TUBB4B: variants seen among roughly 807,000 people sequenced by gnomAD.
TUBB4B encodes the protein tubulin beta 4B class IVb.
A neutral mutation model predicts 34.3 loss-of-function variants in TUBB4B; 7 were observed. The ratio of observed to expected loss-of-function variants is 0.20; its 90% CI spans 0.12 to 0.38. TUBB4B has a LOEUF of 0.38. Ranked by LOEUF, TUBB4B falls within the 10% of genes least tolerant of loss-of-function variation. The probability of loss-of-function intolerance (pLI) is 1.00; values close to 1 mark genes in which losing one functional copy is unlikely to be tolerated. For synonymous variants in TUBB4B, 390 were observed against 250.2 expected, an observed-to-expected ratio of 1.56 and a Z score of -5.27; for missense variants, 178 against 610.9, an observed-to-expected ratio of 0.29 and a Z score of 7.47.
chr9:137,242,008 C>G lies in TUBB4B; in HGVS notation c.264C>G (p.Asp88Glu), dbSNP rs1266963458. ...SGPFGQIFRP[D>E]NFVFGQSGAG... ...CCTTCGGGCAGATCTTCCGGCCGGA[C>G]AACTTCGTTTTCGGTGAGCCGTGGC... The change falls in exon 3 of 4, where the codon GAC becomes GAG. Residue 88 changes from aspartate to glutamate, a missense_variant. Physicochemically the swap from Asp to Glu is conservative, Grantham distance 45. Coordinates refer to ENST00000340384, the MANE Select transcript of TUBB4B (RefSeq NM_006088.6). The G allele has an allele frequency of 6.2e-7, 1 of 1,610,664 alleles. No individual in the cohort carries two copies. Among genetic ancestry groups the G allele is most frequent in the South Asian group, 1.1e-5 (1 of 90,996 alleles).
At chr9:137,241,447 G>A in intron 1 of TUBB4B, 30 bp downstream of exon 1, 1 of 1,541,468 alleles carries the variant, frequency 6.5e-7, no homozygotes, top group Non-Finnish European at 8.7e-7. Context: ...GGGCCAGGCG[G>A]GCCTGCCGGG....
intron 1 of TUBB4B, 127 bp downstream of exon 1, chr9:137,241,544 G>T: frequency 2.1e-6 from 2 of 937,576 alleles, no homozygotes; most frequent in Non-Finnish European, 1.3e-6. Flanking sequence ...CCTCCGCGGG[G>T]AATTGGCCGA....
chr9:137,242,388 G>A (rs573670988), intron 3 of TUBB4B, 108 bp from the exon 4 acceptor site: 27 of 1,348,152 alleles, frequency 2.0e-5, no homozygotes, highest in Admixed American at 6.9e-5. Context: ...TACCTCCAGG[G>A]TGAATTCTGT....
intron 3 of TUBB4B, 153 bp from the exon 4 acceptor site, chr9:137,242,343 C>A: frequency 1.1e-6 from 1 of 922,588 alleles, no homozygotes; most frequent in Non-Finnish European, 1.6e-6. Context: ...GCAGGGCAGG[C>A]TGCCGTCTTT....
chr9:137,241,309 C>T lies in TUBB4B; in HGVS notation c.-52C>T, dbSNP rs542053872. On this transcript the variant is annotated 5_prime_UTR_variant, in exon 1 of 4. Transcript: ENST00000340384. ...TGTAGCACTCTGCGCGCCCGCTCTTCTGCTGCTGTTTGTCTACTTCCTCCT... is the reference window on the plus strand; with the variant it reads ...TGTAGCACTCTGCGCGCCCGCTCTTTTGCTGCTGTTTGTCTACTTCCTCCT... 1.1e-4 allele frequency: 168 copies of T among 1,575,162 alleles called. No individual in the cohort carries two copies. In the East Asian group the frequency reaches 1.2e-3, roughly 11 times the overall value.
At chr9:137,241,511 C>G (rs921152289) in intron 1 of TUBB4B, 94 bp downstream of exon 1, 10 of 1,104,400 alleles carry the variant, frequency 9.1e-6, no homozygotes, top group South Asian at 8.6e-5. Context: ...GGGCGGCGCC[C>G]CCGCATTGCG....
intron 3 of TUBB4B, 117 bp downstream of exon 3, chr9:137,242,138 T>A: frequency 1.9e-6 from 2 of 1,025,820 alleles, no homozygotes; most frequent in Non-Finnish European, 2.8e-6. Flanking sequence ...TCTGAGCCAC[T>A]CAATCCCCTC....
chr9:137,241,898 C>T lies in TUBB4B; in HGVS notation c.167-13C>T, dbSNP rs760081944. 9 of 1,610,998 alleles carry T rather than the reference C, an allele frequency of 5.6e-6. No individual in the cohort carries two copies. In the South Asian group the frequency reaches 6.6e-5, roughly 12 times the overall value. On this transcript the variant is annotated splice_polypyrimidine_tract_variant and intron_variant, in intron 2 of 3. Coordinates refer to ENST00000340384, the MANE Select transcript of TUBB4B (RefSeq NM_006088.6). Reference sequence around the variant, plus strand: ...CGGCCCCTGCCTTGGCTGACGCCCTCCCGTCCCCGCAGGCGGCAAGTACGT... The same window carrying T: ...CGGCCCCTGCCTTGGCTGACGCCCTTCCGTCCCCGCAGGCGGCAAGTACGT...
chr9:137,241,895 C>T lies in TUBB4B; in HGVS notation c.167-16C>T, dbSNP rs200500268. The T allele has an allele frequency of 2.4e-5, 38 of 1,610,972 alleles. No homozygotes were observed. The highest frequency in any genetic ancestry group is 1.6e-4 in the East Asian group (7 of 44,808). On this transcript the variant is annotated splice_polypyrimidine_tract_variant and intron_variant, in intron 2 of 3. Coordinates refer to ENST00000340384, the MANE Select transcript of TUBB4B (RefSeq NM_006088.6). ...CCGCGGCCCCTGCCTTGGCTGACGCCCTCCCGTCCCCGCAGGCGGCAAGTA... is the reference window on the plus strand; with the variant it reads ...CCGCGGCCCCTGCCTTGGCTGACGCTCTCCCGTCCCCGCAGGCGGCAAGTA...
At chr9:137,242,202 C>G (rs1161636391) in intron 3 of TUBB4B, 181 bp downstream of exon 3, 5 of 689,686 alleles carry the variant, frequency 7.2e-6, no homozygotes, top group East Asian at 5.4e-5. Flanking sequence ...CGAGGAGCCG[C>G]CACACACGTA....
At chr9:137,242,246 C>G (rs977806082) in intron 3 of TUBB4B, 1 of 656,738 alleles carries the variant, frequency 1.5e-6, no homozygotes, top group East Asian at 2.7e-5. Context: ...GGGGCAGTGG[C>G]TGTTCCTCTG....
In TUBB4B at chr9:137,241,756, C is replaced by T. The variant is rs150433184; in HGVS notation, c.93C>T (p.Asp31=). The T allele has an allele frequency of 3.0e-5, 48 of 1,612,086 alleles. No homozygotes were observed. Among genetic ancestry groups the T allele is most frequent in the Non-Finnish European group, 3.9e-5 (46 of 1,179,536 alleles). The change falls in exon 2 of 4, where the codon GAC becomes GAT. Residue 31 remains aspartate, a synonymous_variant. Coordinates refer to ENST00000340384, the MANE Select transcript of TUBB4B (RefSeq NM_006088.6). ...WEVISDEHGI[D]PTGTYHGDSD... The stretch of plus-strand genomic sequence containing the variant: ...TGATCAGCGATGAGCACGGCATCGA[C>T]CCCACGGGCACCTACCACGGGGACA...
At position 137,241,340 on chromosome 9, in the gene TUBB4B, C is replaced by CCCG. The variant is rs370341505; in HGVS notation, c.-6_-4dup. On this transcript the variant is annotated 5_prime_UTR_variant, in exon 1 of 4. Transcript: ENST00000340384. Reference sequence around the variant, plus strand: ...CTGTTTGTCTACTTCCTCCTGCTTCCCCGCCGCCGCCGCCGCCATCATGAG... The same window carrying CCCG: ...CTGTTTGTCTACTTCCTCCTGCTTCCCCGCCGCCGCCGCCGCCGCCATCATGAG... 77,918 of 1,590,544 alleles carry CCCG rather than the reference C, an allele frequency of 0.049. 1,778 individuals carry two copies. The highest frequency in any genetic ancestry group is 0.083 in the Middle Eastern group (499 of 6,028).
In TUBB4B at chr9:137,243,697, T is replaced by C. The variant is rs767863084; in HGVS notation, c.*141T>C. 1 of 1,614,118 alleles carries C rather than the reference T, an allele frequency of 6.2e-7. No homozygotes were observed. Among genetic ancestry groups the C allele is most frequent in the African/African-American group, 1.3e-5 (1 of 75,054 alleles). ...CTGTACAGACACCACCATTAAAGCA[T>C]TTTCATAGTGTGTGGTTTCGCTTTG... On this transcript the variant is annotated 3_prime_UTR_variant, in exon 4 of 4. Transcript: ENST00000340384.
Position 137,241,339 on chromosome 9 carries a change from C to G in TUBB4B, c.-22C>G, listed in dbSNP as rs201909228. 1 of 1,594,028 alleles carries G rather than the reference C, an allele frequency of 6.3e-7. No individual in the cohort carries two copies. The highest frequency in any genetic ancestry group is 8.5e-7 in the Non-Finnish European group (1 of 1,175,168). The stretch of plus-strand genomic sequence containing the variant: ...GCTGTTTGTCTACTTCCTCCTGCTT[C>G]CCCGCCGCCGCCGCCGCCATCATGA... On this transcript the variant is annotated 5_prime_UTR_variant, in exon 1 of 4. Coordinates refer to ENST00000340384, the MANE Select transcript of TUBB4B (RefSeq NM_006088.6).
intron 3 of TUBB4B, 185 bp downstream of exon 3, chr9:137,242,206 A>G: frequency 1.5e-6 from 1 of 680,432 alleles, no homozygotes; most frequent in Non-Finnish European, 2.5e-6. Flanking sequence ...GAGCCGCCAC[A>G]CACGTAATCT....
In TUBB4B at chr9:137,243,478, C is replaced by A; in HGVS notation, c.1260C>A (p.Ser420=). Residue 420 remains serine (S), a synonymous_variant, in exon 4 of 4, where the codon TCC becomes TCA. Transcript: ENST00000340384. ...EAESNMNDLV[S]EYQQYQDATA... ...AGAGCAACATGAATGACCTGGTGTC[C>A]GAGTACCAGCAGTACCAGGATGCCA... The A allele has an allele frequency of 3.7e-6, 6 of 1,613,754 alleles. No individual in the cohort carries two copies. The highest frequency in any genetic ancestry group is 5.1e-6 in the Non-Finnish European group (6 of 1,180,022).
In TUBB4B at chr9:137,242,752, A is replaced by G. The variant is rs781532957; in HGVS notation, c.534A>G (p.Thr178=). 5.3e-5 allele frequency: 85 copies of G among 1,613,862 alleles called. 2 individuals are homozygous for G. In the East Asian group the frequency reaches 1.8e-3, roughly 33 times the overall value. Residue 178 remains threonine, a synonymous_variant, in exon 4 of 4, where the codon ACA becomes ACG. Coordinates refer to ENST00000340384, the MANE Select transcript of TUBB4B (RefSeq NM_006088.6). The part of the protein sequence containing the change: ...SVVPSPKVSD[T]VVEPYNATLS... ...TGCCTTCGCCCAAAGTGTCAGACAC[A>G]GTGGTGGAGCCCTACAACGCCACCC...
In TUBB4B at chr9:137,242,833, A is replaced by G; in HGVS notation, c.615A>G (p.Glu205=). ...ACGAGACCTACTGCATTGATAACGA[A>G]GCTCTCTACGACATTTGCTTCAGAA... ...NTDETYCIDN[E]ALYDICFRTL... The change falls in exon 4 of 4, where the codon GAA becomes GAG. Residue 205 remains glutamate, a synonymous_variant. Coordinates refer to ENST00000340384, the MANE Select transcript of TUBB4B (RefSeq NM_006088.6). The G allele has an allele frequency of 1.9e-6, 3 of 1,613,778 alleles. No individual in the cohort carries two copies. Among genetic ancestry groups the G allele is most frequent in the Non-Finnish European group, 2.5e-6 (3 of 1,180,018 alleles).
Sources: allele counts gnomAD v4.1 joint callset, GRCh38; gene constraint gnomAD v4.1.1; transcripts MANE v1.5; gene names NCBI Gene and HGNC (gene_info 2026-07-23, HGNC 2026-07-21).